CCDC134: variants seen among roughly 807,000 people sequenced by gnomAD.
CCDC134 encodes the protein coiled-coil domain containing 134, also known as coiled-coil domain-containing protein 134.
CCDC134 carries 27 observed loss-of-function variants against 25.6 expected under a neutral mutation model. That is an observed-to-expected ratio of 1.05 (90% CI 0.78 to 1.45). The LOEUF is 1.45. CCDC134 is among the 40% of genes most tolerant of loss of function. The probability of loss-of-function intolerance (pLI) is 0.00; values close to 1 mark genes in which losing one functional copy is unlikely to be tolerated. For synonymous variants in CCDC134, 110 were observed against 115.0 expected, an observed-to-expected ratio of 0.96 and a Z score of 0.28; for missense variants, 261 against 286.7, an observed-to-expected ratio of 0.91 and a Z score of 0.65.
In CCDC134 at chr22:41,810,296, G is replaced by A; in HGVS notation, c.310+5G>A. On this transcript the variant is annotated splice_donor_5th_base_variant and intron_variant, in intron 4 of 6. Coordinates refer to ENST00000255784, the MANE Select transcript of CCDC134 (RefSeq NM_024821.5). ...AGGACGAGAAGCTGAAGGATGGTAT[G>A]GTCTGCCCTGCCCCGCCCTGTCCTC... The A allele has an allele frequency of 6.2e-7, 1 of 1,612,986 alleles. No homozygotes were observed. The highest frequency in any genetic ancestry group is 8.5e-7 in the Non-Finnish European group (1 of 1,179,372).
At chr22:41,811,577 C>T (rs2076596642) in intron 4 of CCDC134, among the ~76,000 whole-genome samples, 1 of 152,080 alleles carries the variant, frequency 6.6e-6, no homozygotes. Flanking sequence ...TAGAGACATG[C>T]GCCCCCAGGC....
At chr22:41,813,204 G>A in intron 4 of CCDC134, 60 bp from the exon 5 acceptor site, 1 of 1,558,600 alleles carries the variant, frequency 6.4e-7, no homozygotes, top group Non-Finnish European at 8.8e-7. Context: ...GGATGCCAGG[G>A]GCCAGTGAGG....
At chr22:41,815,034 C>T (rs902322782) in intron 6 of CCDC134, among the ~76,000 whole-genome samples, 3 of 152,036 alleles carry the variant, frequency 2.0e-5, no homozygotes, top group African/African-American at 7.3e-5. Context: ...TCTCTGCAAA[C>T]ACAATCCTAA....
intron 1 of CCDC134, among the ~76,000 whole-genome samples, chr22:41,806,688 T>C (rs1000296970): frequency 2.6e-4 from 40 of 152,160 alleles, no homozygotes; most frequent in African/African-American, 8.9e-4. Context: ...GTGAATTTCA[T>C]CAGACACAGG....
At position 41,819,995 on chromosome 22, in the gene CCDC134, A is replaced by T. The variant is rs900878981; in HGVS notation, c.565-5703A>T. Among the ~76,000 whole-genome samples the T allele has an allele frequency of 9.8e-5, 13 of 132,918 alleles. 1 individual carries two copies. The highest frequency in any genetic ancestry group is 7.7e-3 in the Middle Eastern group (2 of 260). 87.2% of individuals were successfully genotyped at this position (132,918 alleles called of 152,430 possible). A position where few individuals can be genotyped will look rare whatever the true frequency, so the allele number is the denominator to read the frequency against. On this transcript the variant is annotated intron_variant, in intron 6 of 6. Transcript: ENST00000255784. ...TATATATATATATATATATATATATATATAATTTTTTTTTTTTGAGACGGA... is the reference window on the plus strand; with the variant it reads ...TATATATATATATATATATATATATTTATAATTTTTTTTTTTTGAGACGGA...
At chr22:41,810,092 A>C (rs1310028740) in intron 3 of CCDC134, 92 bp downstream of exon 3, 1 of 1,598,822 alleles carries the variant, frequency 6.3e-7, no homozygotes, top group Non-Finnish European at 8.6e-7. Context: ...GTTGGTGTTC[A>C]GGGACAGGGG....
rs1306245894 is a variant in CCDC134 at position 41,830,152 on chromosome 22, GTCC to G, written c.*4334_*4336del. Among the ~76,000 whole-genome samples, 2 of 152,214 alleles carry G rather than the reference GTCC, an allele frequency of 1.3e-5. No homozygotes were observed. Among genetic ancestry groups the G allele is most frequent in the East Asian group, 1.9e-4 (1 of 5,204 alleles). The stretch of plus-strand genomic sequence containing the variant: ...GTTCTACCTCTCAGAGCCAGCCCTT[GTCC>G]TCCTGCTAGCCAGAGCAAGGTACCA... On this transcript the variant is annotated 3_prime_UTR_variant, in exon 7 of 7. Transcript: ENST00000255784.
At chr22:41,818,309 G>A (rs1358008987) in intron 6 of CCDC134, among the ~76,000 whole-genome samples, 1 of 152,192 alleles carries the variant, frequency 6.6e-6, no homozygotes, top group African/African-American at 2.4e-5. Context: ...CTAGTCATGT[G>A]GGTACTTTTT....
chr22:41,802,797 C>A (rs1353313126), intron 1 of CCDC134, among the ~76,000 whole-genome samples: 1 of 151,802 alleles, frequency 6.6e-6, no homozygotes, highest in Non-Finnish European at 1.5e-5. Flanking sequence ...GCCTGTAGTC[C>A]CAGCTACTTG....
At chr22:41,811,589 C>T (rs765997994) in intron 4 of CCDC134, among the ~76,000 whole-genome samples, 9 of 152,062 alleles carry the variant, frequency 5.9e-5, no homozygotes, top group African/African-American at 9.6e-5. Flanking sequence ...CCCCCAGGCC[C>T]GGCTAATTTT....
chr22:41,809,389 G>A (rs1164595086), intron 2 of CCDC134, among the ~76,000 whole-genome samples: 1 of 152,194 alleles, frequency 6.6e-6, no homozygotes, highest in Admixed American at 6.5e-5. Flanking sequence ...GTGTCCATAA[G>A]CCCAGGGGGA....
chr22:41,825,735 GAGA>G lies in CCDC134; in HGVS notation c.609_611del (p.Glu204del). On this transcript the variant is annotated inframe_deletion, in exon 7 of 7. Transcript: ENST00000255784. The surrounding 1 kb of genome is among the most constrained non-coding windows in gnomAD (Gnocchi z 4.4). The stretch of plus-strand genomic sequence containing the variant: ...ACTGACCCTTTCCAGAAGGCCCTGA[GAGA>G]AGAAGAGAAACGCCGAAAGAAAGAG... 2 of 1,614,152 alleles carry G rather than the reference GAGA, an allele frequency of 1.2e-6. No individual in the cohort carries two copies. Among genetic ancestry groups the G allele is most frequent in the East Asian group, 2.2e-5 (1 of 44,888 alleles).
chr22:41,810,895 TGGGGGAAGACACTGTTCTC>T (rs2076592792), intron 4 of CCDC134, among the ~76,000 whole-genome samples: 2 of 152,260 alleles, frequency 1.3e-5, no homozygotes, highest in South Asian at 4.1e-4. Context: ...ACCATAACTC[TGGGGGAAGACACTGTTCTC>T]TCTACTTTCT....
In CCDC134 at chr22:41,830,820, T is replaced by C. The variant is rs1157108207; in HGVS notation, c.*4997T>C. 2.6e-5 allele frequency among the ~76,000 whole-genome samples: 4 copies of C among 152,170 alleles called. No individual in the cohort carries two copies. Among genetic ancestry groups the C allele is most frequent in the Non-Finnish European group, 5.9e-5 (4 of 68,020 alleles). ...TGTAACTATGTCTGACAGCCAGCTG[T>C]TGGGTCTTCCATCGTTTTTAACCTT... On this transcript the variant is annotated 3_prime_UTR_variant, in exon 7 of 7. Transcript: ENST00000255784.
At chr22:41,807,103 T>C (rs1359639602) in intron 1 of CCDC134, among the ~76,000 whole-genome samples, 1 of 152,102 alleles carries the variant, frequency 6.6e-6, no homozygotes, top group Non-Finnish European at 1.5e-5. Context: ...ACCTGGCTCT[T>C]AGTTAAAAGC....
At chr22:41,817,147 C>G (rs887419811) in intron 6 of CCDC134, among the ~76,000 whole-genome samples, 1 of 152,140 alleles carries the variant, frequency 6.6e-6, no homozygotes, top group East Asian at 1.9e-4. Flanking sequence ...GGTCACAATC[C>G]TAACAATCTC....
intron 5 of CCDC134, 70 bp from the exon 6 acceptor site, chr22:41,813,681 G>A: frequency 6.6e-7 from 1 of 1,508,344 alleles, no homozygotes; most frequent in Non-Finnish European, 9.2e-7. Flanking sequence ...TCCCAGCATG[G>A]AAGGAATGAC....
chr22:41,806,937 C>T (rs2076570365), intron 1 of CCDC134, among the ~76,000 whole-genome samples: 1 of 152,074 alleles, frequency 6.6e-6, no homozygotes, highest in Admixed American at 6.6e-5. Flanking sequence ...ATCCCAGCTA[C>T]TCGGGAGGCT....
chr22:41,813,227 C>T, intron 4 of CCDC134, 37 bp from the exon 5 acceptor site: 1 of 1,603,704 alleles, frequency 6.2e-7, no homozygotes. Flanking sequence ...GCCAGGAGAG[C>T]ATCTGCCCTG....
Sources: gnomAD v4.1 joint callset for allele counts (sites outside exome capture counted in the v4.1 genomes callset) on GRCh38, gnomAD v4.1.1 for gene constraint, Gnocchi (gnomAD v3.1) non-coding constraint, MANE v1.5 for transcripts, NCBI Gene and HGNC (gene_info 2026-07-23, HGNC 2026-07-21) for gene names.